The following PCDHGA7 variants were observed in gnomAD, a reference collection of about 807,000 sequenced individuals.
The protein encoded by PCDHGA7 is protocadherin gamma-A7.
Under a neutral mutation model 58.3 loss-of-function variants are expected in PCDHGA7, and 44 were observed. The ratio of observed to expected loss-of-function variants is 0.75; its 90% CI spans 0.59 to 0.97. The LOEUF (loss-of-function observed/expected upper bound fraction) is 0.97, where lower values mean the gene tolerates loss of function less well. Ranked by LOEUF, PCDHGA7 falls within the 50% of genes least tolerant of loss-of-function variation. The pLI is 0.00. For missense variants in PCDHGA7, 1,266 were observed against 1,188.7 expected (o/e 1.06, Z -0.96); for synonymous variants, 516 against 504.2 (o/e 1.02, Z -0.31).
intron 1 of PCDHGA7, chr5:141,415,608 T>C (rs1391331847): frequency 6.2e-7 from 1 of 1,613,366 alleles, no homozygotes; most frequent in Non-Finnish European, 8.5e-7. Flanking sequence ...CCCCATTGGT[T>C]CCAGTGAGTT....
intron 1 of PCDHGA7, among the ~76,000 whole-genome samples, chr5:141,448,571 C>G (rs1207283773): frequency 6.6e-6 from 1 of 152,128 alleles, no homozygotes; most frequent in Non-Finnish European, 1.5e-5. Flanking sequence ...TTTTATTTCC[C>G]CATTTTTTTT....
At chr5:141,394,840 G>GCA (rs2093111243) in intron 1 of PCDHGA7, 1 of 1,613,834 alleles carries the variant, frequency 6.2e-7, no homozygotes. Flanking sequence ...ACCGAGTTGG[G>GCA]CAGTCTGAAG....
intron 1 of PCDHGA7, chr5:141,412,660 T>C (rs1337663720): frequency 6.6e-6 from 1 of 152,262 alleles, no homozygotes; most frequent in African/African-American, 2.4e-5. Flanking sequence ...ACCTAGACAC[T>C]AATATGACCT....
chr5:141,389,875 A>G (rs753159908), intron 1 of PCDHGA7: 2 of 1,613,946 alleles, frequency 1.2e-6, no homozygotes, highest in African/African-American at 2.7e-5. Flanking sequence ...GTCTTCGCCG[A>G]CAGCTTGCAG....
chr5:141,434,027 G>A (rs887125944), intron 1 of PCDHGA7, among the ~76,000 whole-genome samples: 3 of 152,130 alleles, frequency 2.0e-5, no homozygotes, highest in Non-Finnish European at 2.9e-5. Flanking sequence ...GATTCTGGAA[G>A]CATGGTTTTC....
intron 1 of PCDHGA7, chr5:141,398,032 C>A: frequency 6.8e-7 from 1 of 1,469,940 alleles, no homozygotes; most frequent in South Asian, 1.4e-5. Flanking sequence ...GGAACTGGAA[C>A]TAAAGCCCGT....
Position 141,431,142 on chromosome 5 carries a change from A to G in PCDHGA7, c.2424+45819A>G. ...GAAGTAGAAGTAAGGGACATTAACG[A>G]CAATGCGCCTTACTTTCGTGAAAGT... On this transcript the variant is annotated intron_variant, in intron 1 of 3. Coordinates refer to ENST00000518325, the MANE Select transcript of PCDHGA7 (RefSeq NM_018920.4). This position sits in a 1 kb window ranked among gnomAD's most constrained non-coding sequence, Gnocchi z 4.8. 1 of 1,614,240 alleles carries G rather than the reference A, an allele frequency of 6.2e-7. No individual in the cohort carries two copies. Among genetic ancestry groups the G allele is most frequent in the Non-Finnish European group, 8.5e-7 (1 of 1,180,024 alleles).
In PCDHGA7 at chr5:141,422,440, T is replaced by G. The variant is rs1028472076; in HGVS notation, c.2424+37117T>G. 11 of 1,610,116 alleles carry G rather than the reference T, an allele frequency of 6.8e-6. No homozygotes were observed. The highest frequency in any genetic ancestry group is 2.7e-5 in the African/African-American group (2 of 74,560). On this transcript the variant is annotated intron_variant, in intron 1 of 3. Transcript: ENST00000518325. ...AAAGACTTATGGAAATTATTACAAATTGATAACAAGCAGAGTGCTGGACAG... is the reference window on the plus strand; with the variant it reads ...AAAGACTTATGGAAATTATTACAAAGTGATAACAAGCAGAGTGCTGGACAG...
At chr5:141,415,083 G>A (rs747351388) in intron 1 of PCDHGA7, 4 of 1,613,514 alleles carry the variant, frequency 2.5e-6, no homozygotes, top group Non-Finnish European at 3.4e-6. Context: ...CGCGAGCCCT[G>A]CTGGACAGAG....
intron 1 of PCDHGA7, among the ~76,000 whole-genome samples, chr5:141,453,315 T>A (rs1410108522): frequency 6.6e-6 from 1 of 151,214 alleles, no homozygotes; most frequent in African/African-American, 2.5e-5. Context: ...TTATTTATTT[T>A]AGAGATGGGG....
chr5:141,454,172 C>T (rs1001368287), intron 1 of PCDHGA7, among the ~76,000 whole-genome samples: 4 of 152,126 alleles, frequency 2.6e-5, no homozygotes, highest in Non-Finnish European at 5.9e-5. Context: ...TCTAGAAGGG[C>T]AGCTAAAGGA....
chr5:141,507,613 T>G (rs1003099044), intron 3 of PCDHGA7, among the ~76,000 whole-genome samples: 1 of 152,248 alleles, frequency 6.6e-6, no homozygotes, highest in African/African-American at 2.4e-5. Context: ...ACAGGTATAT[T>G]TAGCTGTTGT....
chr5:141,401,356 G>A (rs1274587222), intron 1 of PCDHGA7, among the ~76,000 whole-genome samples: 1 of 152,070 alleles, frequency 6.6e-6, no homozygotes, highest in Non-Finnish European at 1.5e-5. Flanking sequence ...AAAAAGGAAG[G>A]AGAAGGAGAG....
At chr5:141,428,102 G>T (rs774075619) in intron 1 of PCDHGA7, 38 of 1,608,516 alleles carry the variant, frequency 2.4e-5, no homozygotes, top group Non-Finnish European at 3.2e-5. Flanking sequence ...CCTACCACGT[G>T]CTGCAGGCCA....
In PCDHGA7 at chr5:141,395,537, A is replaced by ATTGTTTGT. The variant is rs1179408656; in HGVS notation, c.2424+10215_2424+10222dup. On this transcript the variant is annotated intron_variant, in intron 1 of 3. Coordinates refer to ENST00000518325, the MANE Select transcript of PCDHGA7 (RefSeq NM_018920.4). Reference sequence around the variant, plus strand: ...ACCCGTCCATACTGGTAATTTTGCTATTGTTTGTGTGTGTGTGTGTGTGTG... The same window carrying ATTGTTTGT: ...ACCCGTCCATACTGGTAATTTTGCTATTGTTTGTTTGTTTGTGTGTGTGTGTGTGTGTG... 12 of 243,932 alleles carry ATTGTTTGT rather than the reference A, an allele frequency of 4.9e-5. No individual in the cohort carries two copies. In the African/African-American group the frequency reaches 6.6e-4, roughly 13 times the overall value. 15.1% of individuals were successfully genotyped at this position (243,932 alleles called of 1,614,324 possible).
At chr5:141,418,563 C>A (rs2096269554) in intron 1 of PCDHGA7, 2 of 1,613,998 alleles carry the variant, frequency 1.2e-6, no homozygotes, top group Non-Finnish European at 1.7e-6. Context: ...GTAATAGATG[C>A]CAATGACAAC....
At chr5:141,448,074 G>A (rs1008235342) in intron 1 of PCDHGA7, among the ~76,000 whole-genome samples, 3 of 151,152 alleles carry the variant, frequency 2.0e-5, no homozygotes, top group Admixed American at 1.3e-4. Context: ...CAACATGAAC[G>A]AAATGCCATC....
At chr5:141,391,345 G>C (rs1233916830) in intron 1 of PCDHGA7, 1 of 139,580 alleles carries the variant, frequency 7.2e-6, no homozygotes, top group Admixed American at 7.6e-5. Context: ...CAGAGTCTCT[G>C]TCTGTTACTC....
At chr5:141,420,252 C>T (rs745697672) in intron 1 of PCDHGA7, 1 of 1,576,604 alleles carries the variant, frequency 6.3e-7, no homozygotes, top group Non-Finnish European at 8.6e-7. Flanking sequence ...AGCGTTGAAG[C>T]AGATAAGAAG....
Sources: gnomAD v4.1 joint callset for allele counts (sites outside exome capture counted in the v4.1 genomes callset) on GRCh38, gnomAD v4.1.1 for gene constraint, Gnocchi (gnomAD v3.1) non-coding constraint, MANE v1.5 for transcripts, NCBI Gene and HGNC (gene_info 2026-07-23, HGNC 2026-07-21) for gene names.